PTPRD: variants seen among roughly 807,000 people sequenced by gnomAD.
PTPRD encodes receptor-type tyrosine-protein phosphatase delta.
In PTPRD, 34 loss-of-function variants were observed where a neutral mutation model predicts 214.5. The observed-to-expected ratio is 0.16, with a 90% CI of 0.12 to 0.21. The LOEUF (loss-of-function observed/expected upper bound fraction) is 0.21. Among genes scored for constraint, PTPRD ranks in the 10% least tolerant of loss-of-function variants. The pLI is 1.00. For missense variants in PTPRD, 2,545 were observed against 2,398.7 expected (o/e 1.06, Z -1.27); for synonymous variants, 1,128 against 845.7 (o/e 1.33, Z -5.79).
At chr9:10,547,203 T>C (rs2060350332) in intron 2 of PTPRD, among the ~76,000 whole-genome samples, 1 of 152,124 alleles carries the variant, frequency 6.6e-6, no homozygotes, top group South Asian at 2.1e-4. Context: ...GTAGAAAAAG[T>C]TTCTCATTTA....
chr9:8,898,565 G>A (rs1206208297), intron 11 of PTPRD, among the ~76,000 whole-genome samples: 2 of 152,164 alleles, frequency 1.3e-5, no homozygotes, highest in South Asian at 2.1e-4. Context: ...ATATAAAATA[G>A]CATTCAAAAA....
intron 6 of PTPRD, among the ~76,000 whole-genome samples, chr9:9,748,382 C>A (rs574825726): frequency 2.8e-4 from 43 of 152,122 alleles, no homozygotes; most frequent in African/African-American, 1.0e-3. Flanking sequence ...TAAATTGTGC[C>A]ATATTCTATC....
intron 2 of PTPRD, among the ~76,000 whole-genome samples, chr9:10,423,324 A>C (rs2154516986): frequency 6.6e-6 from 1 of 151,348 alleles, no homozygotes; most frequent in South Asian, 2.2e-4. Context: ...GGGCAGGGAG[A>C]GGGATACTAT....
At chr9:8,480,133 T>C (rs1166604715) in intron 30 of PTPRD, among the ~76,000 whole-genome samples, 2 of 152,196 alleles carry the variant, frequency 1.3e-5, no homozygotes, top group Admixed American at 1.3e-4. Context: ...AAACAGTGTG[T>C]ATAGAATATA....
rs911553618 is a variant in PTPRD, at chr9:10,397,141, C to A, written c.-599-56124G>T. ...CTTGCTATCTCTCTCGAAAAGGCAA[C>A]AATTTAAACAATATTCAAATTGGAA... On this transcript the variant is annotated intron_variant, in intron 2 of 45. Coordinates refer to ENST00000381196, the MANE Select transcript of PTPRD (RefSeq NM_002839.4). Among the ~76,000 whole-genome samples the A allele has an allele frequency of 2.6e-5, 4 of 152,098 alleles. No homozygotes were observed. The East Asian group carries it at 7.8e-4, about 30-fold the overall frequency.
At chr9:10,198,452 T>C (rs548469537) in intron 3 of PTPRD, among the ~76,000 whole-genome samples, 3 of 152,146 alleles carry the variant, frequency 2.0e-5, no homozygotes, top group South Asian at 4.1e-4. Context: ...AGTACAGTAA[T>C]AGAAGCTGAA....
At chr9:10,136,243 T>A (rs974565907) in intron 3 of PTPRD, among the ~76,000 whole-genome samples, 2 of 152,062 alleles carry the variant, frequency 1.3e-5, no homozygotes, top group African/African-American at 4.8e-5. Flanking sequence ...AACAAGTACT[T>A]CTTGGACTGC....
chr9:8,377,994 G>C (rs1487041977), intron 37 of PTPRD, among the ~76,000 whole-genome samples: 1 of 151,840 alleles, frequency 6.6e-6, no homozygotes, highest in Non-Finnish European at 1.5e-5. Context: ...TCCCAGACAA[G>C]ACAAAAAAGA....
At chr9:8,521,693 T>A (rs780360074) in intron 19 of PTPRD, 147 bp from the exon 20 acceptor site, 1 of 856,280 alleles carries the variant, frequency 1.2e-6, no homozygotes, top group African/African-American at 1.7e-5. Context: ...AAACTGTGGA[T>A]AATACAGACC....
chr9:9,804,821 ATAT>A (rs1304909787), intron 5 of PTPRD, among the ~76,000 whole-genome samples: 1 of 151,278 alleles, frequency 6.6e-6, no homozygotes, highest in Admixed American at 6.6e-5. Flanking sequence ...AATTTTTATA[ATAT>A]TATGTTAAAT....
At chr9:10,498,501 C>A (rs559603108) in intron 2 of PTPRD, among the ~76,000 whole-genome samples, 2 of 151,784 alleles carry the variant, frequency 1.3e-5, no homozygotes. Flanking sequence ...CAAAACAGGT[C>A]ACATCAAATT....
intron 8 of PTPRD, among the ~76,000 whole-genome samples, chr9:9,407,894 G>C (rs554100177): frequency 2.0e-4 from 30 of 151,686 alleles, no homozygotes; most frequent in Admixed American, 1.4e-3. Flanking sequence ...TAAAATTTTG[G>C]TTAGATATAA....
intron 9 of PTPRD, among the ~76,000 whole-genome samples, chr9:9,364,439 T>C (rs770225143): frequency 4.0e-5 from 6 of 151,426 alleles, no homozygotes; most frequent in Non-Finnish European, 7.4e-5. Flanking sequence ...ACATGGACAG[T>C]TGCAATTTTA....
At chr9:10,011,845 A>G (rs189079373) in intron 4 of PTPRD, among the ~76,000 whole-genome samples, 2 of 152,102 alleles carry the variant, frequency 1.3e-5, no homozygotes, top group East Asian at 3.9e-4. Flanking sequence ...ATTGTATTTA[A>G]TCAGTAATCA....
chr9:9,928,888 T>C (rs2153906358), intron 5 of PTPRD, among the ~76,000 whole-genome samples: 1 of 152,228 alleles, frequency 6.6e-6, no homozygotes, highest in Admixed American at 6.5e-5. Flanking sequence ...TATCAATTAG[T>C]TTTCACACTT....
At chr9:9,203,072 A>T (rs764715100) in intron 9 of PTPRD, among the ~76,000 whole-genome samples, 1 of 152,180 alleles carries the variant, frequency 6.6e-6, no homozygotes, top group Non-Finnish European at 1.5e-5. Context: ...ACAATATTTT[A>T]GATACAAGTT....
chr9:8,331,659 T>C lies in PTPRD; in HGVS notation c.5457A>G (p.Gly1819=), dbSNP rs1350717936. ...PEQGVPKSGE[G]FIDFIGQVHK... ...GGACTTGGCCGATGAAGTCAATAAA[T>C]CCTTCTCCGGACTTTGGCACTCCTT... Residue 1819 remains glycine (G), a synonymous_variant, in exon 44 of 46, where the codon GGA becomes GGG. Coordinates refer to ENST00000381196, the MANE Select transcript of PTPRD (RefSeq NM_002839.4). The C allele has an allele frequency of 3.1e-6, 5 of 1,613,802 alleles. No homozygotes were observed. In the African/African-American group the frequency reaches 4.0e-5, roughly 13 times the overall value.
chr9:9,230,578 C>T (rs1377371758), intron 9 of PTPRD, among the ~76,000 whole-genome samples: 1 of 152,052 alleles, frequency 6.6e-6, no homozygotes, highest in African/African-American at 2.4e-5. Flanking sequence ...GATACTAAGC[C>T]TTCTAATTGG....
At chr9:9,139,626 G>A (rs2099856740) in intron 10 of PTPRD, among the ~76,000 whole-genome samples, 1 of 152,074 alleles carries the variant, frequency 6.6e-6, no homozygotes. Context: ...GTGGATTCAT[G>A]TCCTGGGTGG....
Sources: gnomAD v4.1 joint callset for allele counts (sites outside exome capture counted in the v4.1 genomes callset) on GRCh38, gnomAD v4.1.1 for gene constraint, MANE v1.5 for transcripts, NCBI Gene and HGNC (gene_info 2026-07-23, HGNC 2026-07-21) for gene names.